The following RAP1GAP2 variants were observed in gnomAD, a reference collection of about 807,000 sequenced individuals.
RAP1GAP2 encodes RAP1 GTPase activating protein 2.
Under a neutral mutation model 95.0 loss-of-function variants are expected in RAP1GAP2, and 27 were observed. The observed-to-expected ratio is 0.28, with a 90% CI of 0.21 to 0.39. The LOEUF is 0.39. RAP1GAP2 is among the 10% of genes least tolerant of loss of function. The probability of loss-of-function intolerance (pLI) is 1.00; values close to 1 mark genes in which losing one functional copy is unlikely to be tolerated. For missense variants in RAP1GAP2, 771 were observed against 970.0 expected, an observed-to-expected ratio of 0.79 and a Z score of 2.72; for synonymous variants, 373 against 380.9, an observed-to-expected ratio of 0.98 and a Z score of 0.24.
chr17:2,880,637 C>T (rs1202894766), intron 2 of RAP1GAP2, among the ~76,000 whole-genome samples: 3 of 151,954 alleles, frequency 2.0e-5, no homozygotes, highest in African/African-American at 7.3e-5. Flanking sequence ...CACTCCCACC[C>T]CCGCCTCCCC....
intron 3 of RAP1GAP2, among the ~76,000 whole-genome samples, chr17:2,946,814 G>A (rs578087612): frequency 2.0e-5 from 3 of 152,322 alleles, no homozygotes; most frequent in African/African-American, 7.2e-5. Flanking sequence ...GCGTGCAGTG[G>A]CGTGATCTCG....
chr17:2,759,741 G>A (rs529066290), intron 1 of RAP1GAP2, among the ~76,000 whole-genome samples: 34 of 152,132 alleles, frequency 2.2e-4, no homozygotes, highest in African/African-American at 7.2e-4. Flanking sequence ...ATGAGCCACC[G>A]CGCCCGGCCA....
Position 2,787,016 on chromosome 17 carries a change from T to G in RAP1GAP2, c.-14+9738T>G, listed in dbSNP as rs1314640401. 2.8e-5 allele frequency among the ~76,000 whole-genome samples: 4 copies of G among 143,344 alleles called. No individual in the cohort carries two copies. In the South Asian group the frequency reaches 9.1e-4, roughly 33 times the overall value. The allele number at this position is 143,344 out of a possible 152,430, so 94.0% of individuals were successfully genotyped here. On this transcript the variant is annotated intron_variant, in intron 1 of 24. Coordinates refer to the RAP1GAP2 transcript ENST00000540393. ...CCCAGGCTGGTGCGCAGGGGCGCGA[T>G]CTCTGCTCACTGCAACCTCCGCTTC...
Position 2,965,657 on chromosome 17 carries a change from G to T in RAP1GAP2, c.596+14G>T. The T allele has an allele frequency of 1.3e-6, 2 of 1,543,044 alleles. No homozygotes were observed. Among genetic ancestry groups the T allele is most frequent in the East Asian group, 4.6e-5 (2 of 43,804 alleles). ...GGTCATCCTTAGGTAGGGCTGTTGC[G>T]CTGCTTGAGGCCACTTCTCTTCCAG... On this transcript the variant is annotated intron_variant, in intron 8 of 24. Coordinates refer to ENST00000254695, the MANE Select transcript of RAP1GAP2 (RefSeq NM_015085.5). This position sits in a 1 kb window ranked among gnomAD's most constrained non-coding sequence, Gnocchi z 4.7.
At chr17:2,949,255 C>T (rs1597696679) in intron 3 of RAP1GAP2, among the ~76,000 whole-genome samples, 1 of 152,330 alleles carries the variant, frequency 6.6e-6, no homozygotes, top group East Asian at 1.9e-4. Context: ...CATTAGACAG[C>T]TGCATGGACG....
rs143986253 is a variant in RAP1GAP2 at position 2,962,639 on chromosome 17, T to C, written c.202-31T>C. On this transcript the variant is annotated intron_variant, in intron 4 of 24. Transcript: ENST00000254695. ...GGCCCTGTCTTCTGACCTTTGCTTT[T>C]CTGTGGATCCTGTTTTCCTTGTTTC... The C allele has an allele frequency of 9.9e-4, 1,544 of 1,564,050 alleles. 17 individuals carry two copies. The South Asian group carries it at 0.012, about 12-fold the overall frequency.
In RAP1GAP2 at chr17:3,035,239, T is replaced by C. The variant is rs9895098; in HGVS notation, c.*1878T>C. On this transcript the variant is annotated 3_prime_UTR_variant, in exon 25 of 25. Transcript: ENST00000254695. The surrounding 1 kb of genome is among the most constrained non-coding windows in gnomAD (Gnocchi z 4.3). ...CAGCCCCCACGGCTGGAAAGAGGCC[T>C]GTACGTTCTGGACGCGTTTTGTTGG... is the stretch of plus-strand genomic sequence containing the variant. 26,064 of 152,528 alleles carry C rather than the reference T, an allele frequency of 0.17. 2,624 individuals are homozygous for C. The highest frequency in any genetic ancestry group is 0.29 in the Middle Eastern group (84 of 294). 9.4% of individuals were successfully genotyped at this position (152,528 alleles called of 1,614,324 possible).
rs144781474 is a variant in RAP1GAP2 at position 2,867,135 on chromosome 17, G to A, written c.81-38149G>A. ...AGGCTGGTCTCGAACTCCTGGTGTC[G>A]TGATTCCCCTCACCTTGGCCTCCCA... On this transcript the variant is annotated intron_variant, in intron 2 of 24. Transcript: ENST00000254695. This position sits in a 1 kb window ranked among gnomAD's most constrained non-coding sequence, Gnocchi z 4.5. Among the ~76,000 whole-genome samples, 792 of 151,172 alleles carry A rather than the reference G, an allele frequency of 5.2e-3. 4 individuals are homozygous for A. The highest frequency in any genetic ancestry group is 9.3e-3 in the Non-Finnish European group (630 of 67,782).
chr17:3,025,839 A>G (rs1052285026), intron 19 of RAP1GAP2, among the ~76,000 whole-genome samples, 169 bp from the exon 20 acceptor site: 1 of 152,154 alleles, frequency 6.6e-6, no homozygotes, highest in Non-Finnish European at 1.5e-5. Context: ...GTATGCCGCC[A>G]TCTCTGGGGG....
At chr17:2,974,031 C>A (rs998417503) in intron 8 of RAP1GAP2, among the ~76,000 whole-genome samples, 1 of 152,040 alleles carries the variant, frequency 6.6e-6, no homozygotes, top group Non-Finnish European at 1.5e-5. Context: ...GGGGCAATAT[C>A]TTTCAAGTGT....
At chr17:2,812,152 T>A (rs1043358993) in intron 2 of RAP1GAP2, among the ~76,000 whole-genome samples, 1 of 152,174 alleles carries the variant, frequency 6.6e-6, no homozygotes, top group Non-Finnish European at 1.5e-5. Flanking sequence ...AGCTCTTGTT[T>A]CTTTGTGGCT....
In RAP1GAP2 at chr17:2,879,376, C is replaced by G. The variant is rs570949458; in HGVS notation, c.81-25908C>G. Among the ~76,000 whole-genome samples, 86 of 152,152 alleles carry G rather than the reference C, an allele frequency of 5.7e-4. 2 individuals are homozygous for G. Among genetic ancestry groups the G allele is most frequent in the African/African-American group, 2.0e-3 (82 of 41,554 alleles). ...AGTGATCCACCCGCCTCGGCCTCCC[C>G]AAGTGTTGGGATTACAGGCGTGAGC... On this transcript the variant is annotated intron_variant, in intron 2 of 24. Transcript: ENST00000254695.
chr17:3,026,884 C>A, intron 21 of RAP1GAP2, 60 bp from the exon 22 acceptor site: 1 of 1,524,890 alleles, frequency 6.6e-7, no homozygotes. Flanking sequence ...CTGCCTCAGG[C>A]CTGCGTGGGC....
upstream of RAP1GAP2, among the ~76,000 whole-genome samples, chr17:2,791,922 C>T (rs955760900): frequency 4.0e-5 from 6 of 149,788 alleles, no homozygotes; most frequent in African/African-American, 1.2e-4. Flanking sequence ...TGCAATGTCA[C>T]GGTCTTGGCT....
chr17:3,032,236 G>A (rs184018501), intron 23 of RAP1GAP2, among the ~76,000 whole-genome samples, 175 bp from the exon 24 acceptor site: 73 of 146,732 alleles, frequency 5.0e-4, no homozygotes, highest in African/African-American at 1.4e-3. Context: ...TTCTGAGCTC[G>A]CCAGACTATC....
At position 3,008,102 on chromosome 17, in the gene RAP1GAP2, A is replaced by T. The variant is rs1415867480; in HGVS notation, c.1451A>T (p.Lys484Met). The T allele has an allele frequency of 6.2e-7, 1 of 1,613,978 alleles. No homozygotes were observed. Among genetic ancestry groups the T allele is most frequent in the Non-Finnish European group, 8.5e-7 (1 of 1,179,876 alleles). The change falls in exon 17 of 25, where the codon AAG becomes ATG. Residue 484 changes from lysine to methionine, a missense_variant. Transcript: ENST00000254695. The surrounding 1 kb of genome is among the most constrained non-coding windows in gnomAD (Gnocchi z 4.2). ...AMLGLGPEED[K>M]FENGGHGGFL... ...CTGGGACTGGGCCCAGAGGAGGACA[A>T]GTTTGAGAATGGAGGCCACGGGGGG...
At chr17:2,956,864 C>T (rs1266795599) in intron 3 of RAP1GAP2, among the ~76,000 whole-genome samples, 3 of 152,210 alleles carry the variant, frequency 2.0e-5, no homozygotes, top group African/African-American at 2.4e-5. Context: ...CGTGGTAGCT[C>T]ACGCCTGTAA....
At chr17:2,900,200 C>G (rs1237263017) in intron 2 of RAP1GAP2, among the ~76,000 whole-genome samples, 4 of 152,132 alleles carry the variant, frequency 2.6e-5, no homozygotes, top group African/African-American at 9.7e-5. Context: ...GAGTGTTTTT[C>G]CTGTGGTTGA....
intron 8 of RAP1GAP2, among the ~76,000 whole-genome samples, chr17:2,976,866 G>A (rs2045141110): frequency 6.6e-6 from 1 of 152,114 alleles, no homozygotes; most frequent in African/African-American, 2.4e-5. Flanking sequence ...CAGGTGTGGT[G>A]GCTCACGCCT....
Sources: gnomAD v4.1 joint callset for allele counts (sites outside exome capture counted in the v4.1 genomes callset) on GRCh38, gnomAD v4.1.1 for gene constraint, Gnocchi (gnomAD v3.1) non-coding constraint, MANE v1.5 for transcripts, NCBI Gene and HGNC (gene_info 2026-07-23, HGNC 2026-07-21) for gene names.